The following SORCS3 variants were observed in gnomAD, a reference collection of about 807,000 sequenced individuals.
The protein encoded by SORCS3 is VPS10 domain-containing receptor SorCS3.
In SORCS3, 57 loss-of-function variants were observed where a neutral mutation model predicts 146.3. That is an observed-to-expected ratio of 0.39 (90% CI 0.31 to 0.49). The LOEUF is 0.49. SORCS3 is among the 20% of genes least tolerant of loss of function. The probability of loss-of-function intolerance (pLI) is 0.92; values close to 1 mark genes in which losing one functional copy is unlikely to be tolerated. For missense variants in SORCS3, 1,341 were observed against 1,575.5 expected, an observed-to-expected ratio of 0.85 and a Z score of 2.52; for synonymous variants, 653 against 618.5, an observed-to-expected ratio of 1.06 and a Z score of -0.83.
chr10:104,702,778 G>A (rs1453503363), intron 1 of SORCS3, among the ~76,000 whole-genome samples: 3 of 152,162 alleles, frequency 2.0e-5, no homozygotes, highest in African/African-American at 7.2e-5. Context: ...CTAGACAAAT[G>A]ATAATAGAGT....
intron 4 of SORCS3, among the ~76,000 whole-genome samples, chr10:105,017,566 A>G (rs1384142564): frequency 6.6e-6 from 1 of 152,176 alleles, no homozygotes; most frequent in Admixed American, 6.5e-5. Flanking sequence ...TTCTATTATT[A>G]TTAGTAGTAT....
At chr10:104,873,823 G>A (rs2018543005) in intron 2 of SORCS3, among the ~76,000 whole-genome samples, 2 of 152,172 alleles carry the variant, frequency 1.3e-5, no homozygotes, top group Non-Finnish European at 2.9e-5. Flanking sequence ...TTCTCAACCA[G>A]TTCGGCTAAT....
At chr10:105,029,533 T>C (rs10509781) in intron 4 of SORCS3, among the ~76,000 whole-genome samples, 20,266 of 152,286 alleles carry the variant, frequency 0.13, 1,619 homozygotes, top group Middle Eastern at 0.19. Context: ...CTGTGCTTTT[T>C]GCTGTCTAAT....
intron 9 of SORCS3, among the ~76,000 whole-genome samples, chr10:105,155,965 G>C (rs943365887): frequency 6.6e-6 from 1 of 152,180 alleles, no homozygotes; most frequent in Non-Finnish European, 1.5e-5. Context: ...AAGAAGAGAA[G>C]ACTTTTTATT....
At chr10:104,679,868 C>G (rs2015951036) in intron 1 of SORCS3, among the ~76,000 whole-genome samples, 3 of 152,092 alleles carry the variant, frequency 2.0e-5, no homozygotes, top group African/African-American at 4.8e-5. Flanking sequence ...GTATCAAGAT[C>G]CAACACTTTA....
intron 1 of SORCS3, among the ~76,000 whole-genome samples, chr10:104,733,753 A>C (rs2016735750): frequency 6.6e-6 from 1 of 152,032 alleles, no homozygotes; most frequent in Admixed American, 6.6e-5. Context: ...TGAAGCCCAA[A>C]GATTTCATTT....
intron 14 of SORCS3, among the ~76,000 whole-genome samples, chr10:105,184,775 T>C (rs2056464827): frequency 6.6e-6 from 1 of 152,212 alleles, no homozygotes; most frequent in Admixed American, 6.5e-5. Context: ...TCCTATCATC[T>C]CCAAAAATTA....
intron 1 of SORCS3, among the ~76,000 whole-genome samples, chr10:104,678,359 C>T (rs1361710521): frequency 6.6e-6 from 1 of 152,114 alleles, no homozygotes; most frequent in Non-Finnish European, 1.5e-5. Context: ...GTACACATCC[C>T]TGGCACATAG....
At chr10:104,705,225 G>GTTT (rs11361828) in intron 1 of SORCS3, among the ~76,000 whole-genome samples, 97 of 119,592 alleles carry the variant, frequency 8.1e-4, no homozygotes, top group African/African-American at 2.2e-3. Context: ...GCAGGCCTTC[G>GTTT]TTTTTTTTTT....
At chr10:104,803,544 G>A (rs1406476809) in intron 1 of SORCS3, among the ~76,000 whole-genome samples, 1 of 152,138 alleles carries the variant, frequency 6.6e-6, no homozygotes, top group East Asian at 1.9e-4. Context: ...CCTTAAAGAA[G>A]GTTTTCCTGG....
At chr10:105,030,512 A>G (rs1024167012) in intron 4 of SORCS3, among the ~76,000 whole-genome samples, 1 of 152,150 alleles carries the variant, frequency 6.6e-6, no homozygotes, top group Admixed American at 6.5e-5. Context: ...TTGAATTCTG[A>G]TACCAAAACA....
At chr10:105,216,476 C>A (rs545964885) in intron 18 of SORCS3, among the ~76,000 whole-genome samples, 3 of 151,886 alleles carry the variant, frequency 2.0e-5, no homozygotes, top group East Asian at 1.9e-4. Flanking sequence ...TTATTTTTGT[C>A]CCCAGACAAA....
chr10:104,886,340 C>T (rs1388266948), intron 2 of SORCS3, among the ~76,000 whole-genome samples: 1 of 152,096 alleles, frequency 6.6e-6, no homozygotes. Context: ...TCTCTCTTTA[C>T]AGTATTCCTG....
intron 2 of SORCS3, among the ~76,000 whole-genome samples, chr10:104,907,616 T>C (rs1173970362): frequency 6.6e-6 from 1 of 152,162 alleles, no homozygotes; most frequent in Non-Finnish European, 1.5e-5. Context: ...ATTTTCCGCA[T>C]TTAGAACCGG....
chr10:104,997,682 G>A (rs990012593), intron 4 of SORCS3, among the ~76,000 whole-genome samples: 1 of 152,174 alleles, frequency 6.6e-6, no homozygotes, highest in Non-Finnish European at 1.5e-5. Context: ...TCACAGTCGA[G>A]CACTTACAGA....
chr10:105,143,813 G>A lies in SORCS3; in HGVS notation c.1303-3804G>A, dbSNP rs187875975. ...TATATTTGTCCTACTCCCTTCTCCC[G>A]CTGTAGATTTTACCTCCTTACTATC... On this transcript the variant is annotated intron_variant, in intron 8 of 26. Transcript: ENST00000369701. Among the ~76,000 whole-genome samples, 199 of 152,122 alleles carry A rather than the reference G, an allele frequency of 1.3e-3. 1 individual carries two copies. Among genetic ancestry groups the A allele is most frequent in the Middle Eastern group, 6.8e-3 (2 of 294 alleles).
chr10:104,879,916 G>A (rs1411564310), intron 2 of SORCS3, among the ~76,000 whole-genome samples: 5 of 152,170 alleles, frequency 3.3e-5, no homozygotes, highest in Non-Finnish European at 7.3e-5. Flanking sequence ...GATGAAATCC[G>A]GTGAATTTAA....
intron 8 of SORCS3, among the ~76,000 whole-genome samples, chr10:105,142,975 C>T (rs2056105738): frequency 1.3e-5 from 2 of 152,134 alleles, no homozygotes; most frequent in Non-Finnish European, 2.9e-5. Context: ...ATTTATCCTT[C>T]ACTGCTGTGT....
At chr10:105,171,486 G>T (rs1230867466) in intron 13 of SORCS3, among the ~76,000 whole-genome samples, 1 of 152,182 alleles carries the variant, frequency 6.6e-6, no homozygotes, top group South Asian at 2.1e-4. Flanking sequence ...AGCTGTCAGT[G>T]TCTCTCAATG....
Sources: gnomAD v4.1 joint callset for allele counts (sites outside exome capture counted in the v4.1 genomes callset) on GRCh38, gnomAD v4.1.1 for gene constraint, MANE v1.5 for transcripts, NCBI Gene and HGNC (gene_info 2026-07-23, HGNC 2026-07-21) for gene names.